Variants in RNGTT observed in about 807,000 individuals in gnomAD.
The protein encoded by RNGTT is RNA guanylyltransferase and 5'-phosphatase.
RNGTT carries 33 observed loss-of-function variants against 79.3 expected under a neutral mutation model. The ratio of observed to expected loss-of-function variants is 0.42; its 90% CI spans 0.32 to 0.56. The LOEUF is 0.56. Among genes scored for constraint, RNGTT ranks in the 20% least tolerant of loss-of-function variants. The probability of loss-of-function intolerance (pLI) is 0.17; values close to 1 mark genes in which losing one functional copy is unlikely to be tolerated. For synonymous variants in RNGTT, 222 were observed against 235.9 expected, an observed-to-expected ratio of 0.94 and a Z score of 0.54; for missense variants, 497 against 739.1, an observed-to-expected ratio of 0.67 and a Z score of 3.80.
At chr6:88,620,002 G>C (rs73752976) in intron 14 of RNGTT, among the ~76,000 whole-genome samples, 3,326 of 152,306 alleles carry the variant, frequency 0.022, 101 homozygotes, top group African/African-American at 0.076. Flanking sequence ...TTAAGAAAGT[G>C]TGTCCGCCTA....
At chr6:88,799,439 C>G (rs1159055284) in intron 12 of RNGTT, among the ~76,000 whole-genome samples, 1 of 152,064 alleles carries the variant, frequency 6.6e-6, no homozygotes, top group African/African-American at 2.4e-5. Context: ...TGGCTCACAC[C>G]TGTAATCCCA....
At chr6:88,763,232 C>G (rs1175396363) in intron 13 of RNGTT, among the ~76,000 whole-genome samples, 1 of 151,932 alleles carries the variant, frequency 6.6e-6, no homozygotes, top group African/African-American at 2.4e-5. Flanking sequence ...GAGTGAGGCA[C>G]TGTGCCTGGT....
At chr6:88,674,047 A>G (rs150824075) in intron 14 of RNGTT, among the ~76,000 whole-genome samples, 193 of 152,318 alleles carry the variant, frequency 1.3e-3, no homozygotes, top group Non-Finnish European at 2.1e-3. Context: ...AATTCCCCTC[A>G]TGTTACAGGG....
chr6:88,641,973 T>C (rs1773337802), intron 14 of RNGTT, among the ~76,000 whole-genome samples: 1 of 152,124 alleles, frequency 6.6e-6, no homozygotes, highest in Non-Finnish European at 1.5e-5. Context: ...CTGGCACTAC[T>C]AGAGTGTTAA....
chr6:88,871,908 C>CA (rs1562295519), intron 8 of RNGTT, among the ~76,000 whole-genome samples: 2 of 152,118 alleles, frequency 1.3e-5, no homozygotes, highest in Admixed American at 6.6e-5. Context: ...CATTCCCCCC[C>CA]ATAAAAACAA....
At chr6:88,885,110 G>A (rs1017020768) in intron 8 of RNGTT, among the ~76,000 whole-genome samples, 2 of 150,608 alleles carry the variant, frequency 1.3e-5, no homozygotes, top group Non-Finnish European at 2.9e-5. Flanking sequence ...GTGTATTTAT[G>A]TATATACTCA....
intron 13 of RNGTT, among the ~76,000 whole-genome samples, chr6:88,689,138 T>C (rs762529114): frequency 6.6e-5 from 10 of 152,128 alleles, no homozygotes; most frequent in Non-Finnish European, 1.2e-4. Context: ...GGGTCATCTT[T>C]ATTCTTAAGT....
intron 13 of RNGTT, among the ~76,000 whole-genome samples, chr6:88,769,097 CAGTAAAATCTCAAAATTT>C (rs1354872716): frequency 6.6e-6 from 1 of 151,950 alleles, no homozygotes; most frequent in Non-Finnish European, 1.5e-5. Context: ...AATTATTTTT[CAGTAAAATCTCAAAATTT>C]AGTAAAATTT....
In RNGTT at chr6:88,728,634, G is replaced by T. The variant is rs1777001701; in HGVS notation, c.1439+41140C>A. Among the ~76,000 whole-genome samples, 6 of 152,110 alleles carry T rather than the reference G, an allele frequency of 3.9e-5. No homozygotes were observed. The South Asian group carries it at 1.0e-3, about 26-fold the overall frequency. On this transcript the variant is annotated intron_variant, in intron 13 of 15. Transcript: ENST00000369485. ...AAAGTTCTTCCCCTTTTCTAAGTTG[G>T]TTCCCTTCTTTAAGCCAGTTTTATG...
At chr6:88,700,978 T>C (rs988735953) in intron 13 of RNGTT, among the ~76,000 whole-genome samples, 1 of 152,128 alleles carries the variant, frequency 6.6e-6, no homozygotes, top group African/African-American at 2.4e-5. Flanking sequence ...GCATGAAATA[T>C]TGAAGTTCAT....
intron 13 of RNGTT, among the ~76,000 whole-genome samples, chr6:88,690,124 A>T (rs1421035601): frequency 6.6e-6 from 1 of 152,214 alleles, no homozygotes. Flanking sequence ...AACAAGAAGA[A>T]AGTATTATCA....
chr6:88,875,774 A>G (rs1223521300), intron 8 of RNGTT, among the ~76,000 whole-genome samples: 2 of 152,244 alleles, frequency 1.3e-5, no homozygotes, highest in Non-Finnish European at 2.9e-5. Context: ...TACAGAATGA[A>G]CTTGTGCAAC....
chr6:88,621,167 T>A (rs898841381), intron 14 of RNGTT, among the ~76,000 whole-genome samples: 2 of 152,188 alleles, frequency 1.3e-5, no homozygotes, highest in Admixed American at 6.5e-5. Context: ...TGATCCTATC[T>A]CTAAAACCTA....
At chr6:88,777,808 T>C (rs2127847518) in intron 12 of RNGTT, among the ~76,000 whole-genome samples, 1 of 152,356 alleles carries the variant, frequency 6.6e-6, no homozygotes, top group Non-Finnish European at 1.5e-5. Context: ...CTGATTGCTC[T>C]TACTAGTAGC....
intron 13 of RNGTT, among the ~76,000 whole-genome samples, chr6:88,759,391 GA>G (rs1778131031): frequency 6.6e-6 from 1 of 152,114 alleles, no homozygotes; most frequent in South Asian, 2.1e-4. Context: ...TTTTGGTGAG[GA>G]ATGGTGTTAG....
chr6:88,721,206 T>C (rs1776698585), intron 13 of RNGTT, among the ~76,000 whole-genome samples: 1 of 152,074 alleles, frequency 6.6e-6, no homozygotes, highest in African/African-American at 2.4e-5. Context: ...CACTTCCAAA[T>C]CTCTACCTTA....
At chr6:88,960,166 T>G (rs1015609701) in intron 1 of RNGTT, among the ~76,000 whole-genome samples, 2 of 152,230 alleles carry the variant, frequency 1.3e-5, no homozygotes, top group Non-Finnish European at 2.9e-5. Context: ...ATGGATGGTT[T>G]GCTACTCCCA....
At chr6:88,892,703 T>C (rs1300836574) in intron 6 of RNGTT, among the ~76,000 whole-genome samples, 1 of 152,208 alleles carries the variant, frequency 6.6e-6, no homozygotes, top group Non-Finnish European at 1.5e-5. Flanking sequence ...ATAAAGGGAC[T>C]GGCATCAGTC....
At chr6:88,788,378 A>C (rs1176362933) in intron 12 of RNGTT, among the ~76,000 whole-genome samples, 1 of 152,192 alleles carries the variant, frequency 6.6e-6, no homozygotes, top group Non-Finnish European at 1.5e-5. Flanking sequence ...AATCAGGAGC[A>C]TGTGGTGTCA....
Sources: gnomAD v4.1 joint callset for allele counts (sites outside exome capture counted in the v4.1 genomes callset) on GRCh38, gnomAD v4.1.1 for gene constraint, MANE v1.5 for transcripts, NCBI Gene and HGNC (gene_info 2026-07-23, HGNC 2026-07-21) for gene names.